The following CCNI variants were observed in gnomAD, a reference collection of about 807,000 sequenced individuals.
CCNI encodes cyclin I.
CCNI carries 14 observed loss-of-function variants against 34.1 expected under a neutral mutation model. The ratio of observed to expected loss-of-function variants is 0.41; its 90% CI spans 0.27 to 0.64. The LOEUF is 0.64. Among genes scored for constraint, CCNI ranks in the 30% least tolerant of loss-of-function variants. The pLI, the probability that CCNI is intolerant of heterozygous loss-of-function variation, is 0.31. For synonymous variants in CCNI, 154 were observed against 158.4 expected, an observed-to-expected ratio of 0.97 and a Z score of 0.21; for missense variants, 385 against 440.5, an observed-to-expected ratio of 0.87 and a Z score of 1.13.
At chr4:77,066,539 C>T (rs946884877) in intron 1 of CCNI, 134 bp from the exon 2 acceptor site, 13 of 580,846 alleles carry the variant, frequency 2.2e-5, no homozygotes, top group Admixed American at 3.5e-5. Context: ...TTTAAAATAT[C>T]GTATTAAAAT....
chr4:77,070,402 T>C (rs765160123), intron 1 of CCNI, among the ~76,000 whole-genome samples: 4 of 151,718 alleles, frequency 2.6e-5, no homozygotes, highest in Admixed American at 6.6e-5. Context: ...TAGGAGACTT[T>C]CTCAGGTTCC....
chr4:77,069,164 C>A (rs558004937), intron 1 of CCNI, among the ~76,000 whole-genome samples: 1 of 152,214 alleles, frequency 6.6e-6, no homozygotes. Flanking sequence ...GGCCTGTAAT[C>A]CTTGCACTTT....
chr4:77,048,387 T>C lies in CCNI; in HGVS notation c.966A>G (p.Lys322=). The change falls in exon 7 of 7, where the codon AAA becomes AAG. Residue 322 remains lysine (K), a synonymous_variant. Transcript: ENST00000237654. ...AASGCKQTST[K]RKVEEMEVDD... ...CCACTTCCATTTCCTCTACTTTGCG[T>C]TTAGTAGAGGTCTGCTTGCACCCAC... The C allele has an allele frequency of 6.2e-7, 1 of 1,613,750 alleles. No individual in the cohort carries two copies. Among genetic ancestry groups the C allele is most frequent in the East Asian group, 2.2e-5 (1 of 44,844 alleles).
At chr4:77,063,464 C>CGAGGTAGGT (rs1728770830) in intron 2 of CCNI, among the ~76,000 whole-genome samples, 1 of 150,756 alleles carries the variant, frequency 6.6e-6, no homozygotes, top group Non-Finnish European at 1.5e-5. Flanking sequence ...TTTGGAAGGC[C>CGAGGTAGGT]GGATCACAAG....
intron 3 of CCNI, 21 bp downstream of exon 3, chr4:77,058,486 A>T (rs771180113): frequency 6.3e-7 from 1 of 1,597,530 alleles, no homozygotes; most frequent in African/African-American, 1.3e-5. Context: ...GTTATATGTA[A>T]GTCTATCTTA....
chr4:77,075,688 G>T lies in CCNI; in HGVS notation c.-260C>A. On this transcript the variant is annotated 5_prime_UTR_variant, in exon 1 of 7. Coordinates refer to ENST00000237654, the MANE Select transcript of CCNI (RefSeq NM_006835.3). ...GCGCTCGAGCGGGACGCACGGCTGC[G>T]GCCGCTGGGTCGGTCAGCGAATTAG... 2.2e-6 allele frequency: 1 copy of T among 461,364 alleles called. No homozygotes were observed. Among genetic ancestry groups the T allele is most frequent in the Non-Finnish European group, 2.9e-6 (1 of 349,818 alleles). 28.6% of individuals were successfully genotyped at this position (461,364 alleles called of 1,614,324 possible).
At chr4:77,072,655 A>AAG (rs1729573928) in intron 1 of CCNI, among the ~76,000 whole-genome samples, 1 of 146,040 alleles carries the variant, frequency 6.8e-6, no homozygotes, top group Non-Finnish European at 1.5e-5. Flanking sequence ...AAAAAAAAAA[A>AAG]AAAAAAGAAA....
chr4:77,054,907 A>C (rs1465166733), intron 6 of CCNI, among the ~76,000 whole-genome samples: 1 of 152,204 alleles, frequency 6.6e-6, no homozygotes, highest in Non-Finnish European at 1.5e-5. Flanking sequence ...AATCTTATGA[A>C]CATTTTAGAA....
chr4:77,058,134 G>A (rs184666594), intron 3 of CCNI, among the ~76,000 whole-genome samples: 3 of 152,196 alleles, frequency 2.0e-5, no homozygotes, highest in Admixed American at 6.5e-5. Flanking sequence ...GCAGGCTGAT[G>A]ACTTGACGTC....
Position 77,052,523 on chromosome 4 carries a change from T to C in CCNI, c.690+2627A>G, listed in dbSNP as rs111450774. ...GAGGTTAACAGGGACAAAAGGAAGA[T>C]TGCCTTTCAAACCTGGGAACACTCA... On this transcript the variant is annotated intron_variant, in intron 6 of 6. Transcript: ENST00000237654. 3.1e-3 allele frequency among the ~76,000 whole-genome samples: 467 copies of C among 152,116 alleles called. 1 individual carries two copies. The highest frequency in any genetic ancestry group is 0.011 in the African/African-American group (438 of 41,490).
intron 1 of CCNI, among the ~76,000 whole-genome samples, chr4:77,071,353 A>G (rs1316903973): frequency 6.6e-6 from 1 of 152,246 alleles, no homozygotes; most frequent in African/African-American, 2.4e-5. Context: ...ATACAATTAA[A>G]GCAGTGCTTA....
At chr4:77,058,011 A>G (rs1235753757) in intron 3 of CCNI, among the ~76,000 whole-genome samples, 1 of 152,232 alleles carries the variant, frequency 6.6e-6, no homozygotes, top group Non-Finnish European at 1.5e-5. Flanking sequence ...ACAAAAAGAA[A>G]ATTACAGAAT....
intron 3 of CCNI, among the ~76,000 whole-genome samples, chr4:77,057,968 A>T (rs1728349413): frequency 6.6e-6 from 1 of 152,250 alleles, no homozygotes; most frequent in African/African-American, 2.4e-5. Context: ...GAGATAAAAA[A>T]TTTCATAGGC....
rs1159844370 is a variant in CCNI, at chr4:77,075,660, C to G, written c.-232G>C. 1 of 746,104 alleles carries G rather than the reference C, an allele frequency of 1.3e-6. No individual in the cohort carries two copies. Among genetic ancestry groups the G allele is most frequent in the Non-Finnish European group, 1.6e-6 (1 of 611,028 alleles). 46.2% of individuals were successfully genotyped at this position (746,104 alleles called of 1,614,324 possible). A position where few individuals can be genotyped will look rare whatever the true frequency, so the allele number is the denominator to read the frequency against. On this transcript the variant is annotated 5_prime_UTR_variant, in exon 1 of 7. Coordinates refer to ENST00000237654, the MANE Select transcript of CCNI (RefSeq NM_006835.3). ...GGATCGGGGGGCGCGGGCGCGGGCG[C>G]TGGCGCTCGAGCGGGACGCACGGCT...
At chr4:77,071,835 C>T (rs2109850992) in intron 1 of CCNI, among the ~76,000 whole-genome samples, 1 of 151,776 alleles carries the variant, frequency 6.6e-6, no homozygotes, top group East Asian at 1.9e-4. Context: ...AAAACAAAAA[C>T]AGAAAAAAAG....
chr4:77,057,417 T>C (rs1443267261), intron 3 of CCNI, among the ~76,000 whole-genome samples: 1 of 152,236 alleles, frequency 6.6e-6, no homozygotes, highest in Non-Finnish European at 1.5e-5. Flanking sequence ...GGTCCTGTCA[T>C]GTTTAGTAAG....
chr4:77,058,771 C>T (rs2109810875), intron 2 of CCNI, 136 bp from the exon 3 acceptor site: 1 of 681,932 alleles, frequency 1.5e-6, no homozygotes, highest in South Asian at 2.1e-5. Context: ...CAAAATCTAT[C>T]AGACTTGAGA....
intron 6 of CCNI, among the ~76,000 whole-genome samples, chr4:77,050,262 A>AT (rs1727737993): frequency 6.6e-6 from 1 of 152,122 alleles, no homozygotes; most frequent in Non-Finnish European, 1.5e-5. Flanking sequence ...ATCAGGGATC[A>AT]CTTTTTTCCA....
rs558918886 is a variant in CCNI at position 77,052,206 on chromosome 4, C to T, written c.690+2944G>A. Among the ~76,000 whole-genome samples, 71 of 147,926 alleles carry T rather than the reference C, an allele frequency of 4.8e-4. 1 individual carries two copies. Among genetic ancestry groups the T allele is most frequent in the Admixed American group, 1.4e-3 (21 of 14,788 alleles). Reference sequence around the variant, plus strand: ...AACGTTTAGCTCCCACTTGTGAGAACGTGTGGTATTTGGTTTTCTGTTCCT... The same window carrying T: ...AACGTTTAGCTCCCACTTGTGAGAATGTGTGGTATTTGGTTTTCTGTTCCT... On this transcript the variant is annotated intron_variant, in intron 6 of 6. Coordinates refer to ENST00000237654, the MANE Select transcript of CCNI (RefSeq NM_006835.3).
Sources: gnomAD v4.1 joint callset for allele counts (sites outside exome capture counted in the v4.1 genomes callset) on GRCh38, gnomAD v4.1.1 for gene constraint, MANE v1.5 for transcripts, NCBI Gene and HGNC (gene_info 2026-07-23, HGNC 2026-07-21) for gene names.